Variants in ASTN2 observed in about 807,000 individuals in gnomAD.
ASTN2 encodes astrotactin 2.
Under a neutral mutation model 139.8 loss-of-function variants are expected in ASTN2, and 54 were observed. That is an observed-to-expected ratio of 0.39 (90% CI 0.31 to 0.48). The LOEUF is 0.48. ASTN2 is among the 20% of genes least tolerant of loss of function. ASTN2 has a pLI of 0.95. For synonymous variants in ASTN2, 756 were observed against 719.5 expected, an observed-to-expected ratio of 1.05 and a Z score of -0.81; for missense variants, 1,565 against 1,725.1, an observed-to-expected ratio of 0.91 and a Z score of 1.64.
At chr9:116,437,623 G>A (rs979873664) in intron 22 of ASTN2, 16 of 469,624 alleles carry the variant, frequency 3.4e-5, no homozygotes, top group Non-Finnish European at 7.0e-5. Context: ...TGGAGCTGTG[G>A]TTTAGCTTCC....
chr9:117,149,324 A>C (rs1222651295), intron 3 of ASTN2, among the ~76,000 whole-genome samples: 1 of 152,154 alleles, frequency 6.6e-6, no homozygotes, highest in Non-Finnish European at 1.5e-5. Flanking sequence ...GGCCTGAACC[A>C]GTTTCTTAAA....
chr9:116,680,049 C>A (rs1859750396), intron 16 of ASTN2, among the ~76,000 whole-genome samples: 1 of 151,932 alleles, frequency 6.6e-6, no homozygotes, highest in Non-Finnish European at 1.5e-5. Flanking sequence ...GAAATAGAGA[C>A]ACAAAAAACC....
intron 13 of ASTN2, among the ~76,000 whole-genome samples, chr9:116,774,115 C>G (rs772963518): frequency 2.6e-5 from 4 of 152,178 alleles, no homozygotes; most frequent in Non-Finnish European, 4.4e-5. Flanking sequence ...ACATTGCATG[C>G]AGCAGACTCC....
chr9:116,495,317 C>T (rs1849636189), intron 19 of ASTN2, among the ~76,000 whole-genome samples: 1 of 152,150 alleles, frequency 6.6e-6, no homozygotes, highest in African/African-American at 2.4e-5. Context: ...AGCTCTCCCC[C>T]AATCTCAGTC....
At chr9:117,207,566 A>G (rs1447104563) in intron 3 of ASTN2, among the ~76,000 whole-genome samples, 2 of 152,156 alleles carry the variant, frequency 1.3e-5, no homozygotes, top group African/African-American at 4.8e-5. Flanking sequence ...CCCATGTCCC[A>G]GGCCTAAGAA....
intron 10 of ASTN2, 108 bp from the exon 11 acceptor site, chr9:116,863,841 G>T: frequency 8.6e-7 from 1 of 1,166,502 alleles, no homozygotes. Context: ...CTTATAATCA[G>T]GAAAACAATA....
chr9:117,082,168 ATC>A (rs1828445017), intron 5 of ASTN2, among the ~76,000 whole-genome samples: 1 of 152,154 alleles, frequency 6.6e-6, no homozygotes, highest in Non-Finnish European at 1.5e-5. Context: ...AAATGTCCCC[ATC>A]TGGATGGCTC....
chr9:117,095,899 C>T (rs13301858), intron 5 of ASTN2, 145 bp downstream of exon 5: 84,333 of 654,188 alleles, frequency 0.13, 6,053 homozygotes, highest in Non-Finnish European at 0.15. Flanking sequence ...ACCCATATAG[C>T]CAGGGCAACA....
At chr9:116,674,366 A>C (rs1337772905) in intron 16 of ASTN2, among the ~76,000 whole-genome samples, 1 of 152,206 alleles carries the variant, frequency 6.6e-6, no homozygotes, top group Non-Finnish European at 1.5e-5. Flanking sequence ...TGGCAATCAC[A>C]CACTTTGATT....
At chr9:117,320,116 T>C (rs1326363681) in intron 1 of ASTN2, among the ~76,000 whole-genome samples, 2 of 152,160 alleles carry the variant, frequency 1.3e-5, no homozygotes, top group African/African-American at 2.4e-5. Context: ...AGGAGAGGCA[T>C]TGATCTTAGA....
At chr9:116,748,929 T>C (rs937748786) in intron 13 of ASTN2, among the ~76,000 whole-genome samples, 1 of 152,178 alleles carries the variant, frequency 6.6e-6, no homozygotes, top group African/African-American at 2.4e-5. Flanking sequence ...GAGAAAGTTC[T>C]CAAGATGAGA....
intron 5 of ASTN2, among the ~76,000 whole-genome samples, chr9:117,084,729 A>T (rs1828517752): frequency 6.6e-6 from 1 of 152,236 alleles, no homozygotes; most frequent in Non-Finnish European, 1.5e-5. Flanking sequence ...ATAGGGGCCC[A>T]AAGCCAGGAT....
intron 4 of ASTN2, among the ~76,000 whole-genome samples, chr9:117,104,674 T>G (rs376545622): frequency 6.6e-6 from 1 of 152,252 alleles, no homozygotes; most frequent in African/African-American, 2.4e-5. Context: ...GTTACGGTGG[T>G]TTTTCTCTGG....
At chr9:117,232,677 C>T (rs1832928688) in intron 2 of ASTN2, among the ~76,000 whole-genome samples, 2 of 152,186 alleles carry the variant, frequency 1.3e-5, no homozygotes. Flanking sequence ...TATGGGGCTT[C>T]CACAAATCCC....
In ASTN2 at chr9:116,820,608, G is replaced by C; in HGVS notation, c.2207+9C>G. The C allele has an allele frequency of 1.9e-6, 3 of 1,612,304 alleles. No individual in the cohort carries two copies. Among genetic ancestry groups the C allele is most frequent in the Non-Finnish European group, 2.5e-6 (3 of 1,178,878 alleles). ...ATGGGGCACCTGGGCCTTGGGGACA[G>C]AGACTCACCCGCAGAACATGAAGAT... is the stretch of plus-strand genomic sequence containing the variant. On this transcript the variant is annotated intron_variant, in intron 12 of 22. Transcript: ENST00000313400.
At chr9:117,148,756 A>C (rs1251953407) in intron 3 of ASTN2, among the ~76,000 whole-genome samples, 1 of 152,222 alleles carries the variant, frequency 6.6e-6, no homozygotes, top group Admixed American at 6.5e-5. Flanking sequence ...TTTAGATGAC[A>C]TAAACATTTG....
chr9:116,718,972 G>GTGTGTGTGTATATATATATATATATATA lies in ASTN2; in HGVS notation c.2806+6798_2806+6799insTATATATATATATATATATACACACACA, dbSNP rs56991546. On this transcript the variant is annotated intron_variant, in intron 16 of 22. Coordinates refer to ENST00000313400, the MANE Select transcript of ASTN2 (RefSeq NM_001365068.1). ...TATTTACATATCTATACCTGTATCT[G>GTGTGTGTGTATATATATATATATATATA]TACATATATATATATATATCTGCCT... 8.0e-4 allele frequency among the ~76,000 whole-genome samples: 80 copies of GTGTGTGTGTATATATATATATATATATA among 100,030 alleles called. 2 individuals are homozygous for GTGTGTGTGTATATATATATATATATATA. Among genetic ancestry groups the GTGTGTGTGTATATATATATATATATATA allele is most frequent in the African/African-American group, 3.0e-3 (79 of 26,040 alleles). The allele number at this position is 100,030 out of a possible 152,430, so 65.6% of individuals were successfully genotyped here. A position where few individuals can be genotyped will look rare whatever the true frequency, so the allele number is the denominator to read the frequency against.
intron 6 of ASTN2, among the ~76,000 whole-genome samples, chr9:117,029,058 T>C (rs549253649): frequency 6.6e-6 from 1 of 152,248 alleles, no homozygotes; most frequent in African/African-American, 2.4e-5. Context: ...TGGATGTTGA[T>C]TCAAAATAAT....
At chr9:117,165,040 G>GA (rs902722275) in intron 3 of ASTN2, among the ~76,000 whole-genome samples, 1 of 151,930 alleles carries the variant, frequency 6.6e-6, no homozygotes, top group African/African-American at 2.4e-5. Flanking sequence ...TGAAGTATTT[G>GA]AACATACAGT....
Sources: allele counts gnomAD v4.1 joint callset (sites outside exome capture counted in the v4.1 genomes callset), GRCh38; gene constraint gnomAD v4.1.1; transcripts MANE v1.5; gene names NCBI Gene and HGNC (gene_info 2026-07-23, HGNC 2026-07-21).